Variants in ZNF843 observed in about 807,000 individuals in gnomAD.
ZNF843 encodes zinc finger protein 843.
For synonymous variants in ZNF843, 185 were observed against 207.7 expected (o/e 0.89, Z 0.94); for missense variants, 482 against 469.4 (o/e 1.03, Z -0.25).
Position 31,435,873 on chromosome 16 carries a change from C to T in ZNF843, c.977G>A (p.Trp326Ter). The change falls in exon 2 of 2, where the codon TGG (tryptophan) becomes TAG (stop). Residue 326 changes from tryptophan to a stop codon, truncating the protein, a stop_gained. Transcript: ENST00000315678. LOFTEE classifies it low-confidence loss of function (END_TRUNC). ...RAPPPPSNPH[W>*]RGALPVFPVW... ...CGGAAACACTGGTAGGGCTCCTCTC[C>T]AGTGTGGGTTCGAGGGCGGTGGAGG... is the stretch of plus-strand genomic sequence containing the variant. The T allele has an allele frequency of 6.5e-7, 1 of 1,530,854 alleles. No individual in the cohort carries two copies. The highest frequency in any genetic ancestry group is 1.2e-5 in the South Asian group (1 of 81,002). 94.8% of individuals were successfully genotyped at this position (1,530,854 alleles called of 1,614,324 possible).
At position 31,436,013 on chromosome 16, in the gene ZNF843, C is replaced by T. The variant is rs373623394; in HGVS notation, c.837G>A (p.Ser279=). The change falls in exon 2 of 2, where the codon TCG becomes TCA. Residue 279 remains serine, a synonymous_variant. Coordinates refer to ENST00000315678, the MANE Select transcript of ZNF843 (RefSeq NM_001136509.3). ...AGCCTGGGGCCTGAACCGCCTCCCGCGAGTCCCGTCCCGCGCTCGCACAGC... is the reference window on the plus strand; with the variant it reads ...AGCCTGGGGCCTGAACCGCCTCCCGTGAGTCCCGTCCCGCGCTCGCACAGC... ...PRSCASAGRD[S]REAVQAPGYP... The T allele has an allele frequency of 3.9e-6, 6 of 1,525,208 alleles. No homozygotes were observed. The highest frequency in any genetic ancestry group is 2.5e-5 in the South Asian group (2 of 79,916). The allele number at this position is 1,525,208 out of a possible 1,614,324, so 94.5% of individuals were successfully genotyped here. A position where few individuals can be genotyped will look rare whatever the true frequency, so the allele number is the denominator to read the frequency against.
rs2082184002 is a variant in ZNF843, at chr16:31,436,785, C to T, written c.65G>A (p.Ser22Asn). 1.0e-5 allele frequency: 16 copies of T among 1,551,824 alleles called. No homozygotes were observed. The highest frequency in any genetic ancestry group is 1.4e-5 in the Non-Finnish European group (16 of 1,147,040). Residue 22 changes from serine (S) to asparagine (N), a missense_variant, in exon 2 of 2, where the codon AGC (serine) becomes AAC (asparagine). Transcript: ENST00000315678. ...ACGGCCCTGGGTGAATCTGCCGGTG[C>T]TGCAGCAGGTAGGAGCTCTGGCTGA... ...SVSARAPTCC[S>N]TGRFTQGRQP...
chr16:31,438,533 C>A (rs907378155), intron 1 of ZNF843, among the ~76,000 whole-genome samples: 3 of 151,988 alleles, frequency 2.0e-5, no homozygotes, highest in African/African-American at 7.2e-5. Context: ...ATGCTTCTGG[C>A]CACTCTGAGC....
chr16:31,440,781 C>G (rs2082198703), intron 1 of ZNF843, among the ~76,000 whole-genome samples: 1 of 152,222 alleles, frequency 6.6e-6, no homozygotes, highest in Non-Finnish European at 1.5e-5. Context: ...CTGGTCCAGA[C>G]TCCAGCCCAT....
At chr16:31,440,950 C>T (rs528926738) in intron 1 of ZNF843, among the ~76,000 whole-genome samples, 1 of 152,328 alleles carries the variant, frequency 6.6e-6, no homozygotes, top group African/African-American at 2.4e-5. Flanking sequence ...CAACATTCTT[C>T]CTGTGACTAT....
In ZNF843 at chr16:31,435,555, G is replaced by T; in HGVS notation, c.*248C>A. On this transcript the variant is annotated 3_prime_UTR_variant, in exon 2 of 2. Coordinates refer to ENST00000315678, the MANE Select transcript of ZNF843 (RefSeq NM_001136509.3). ...TCCTCCCACCTCGGTCTCTTAAAGC[G>T]CTGGGATTACAGGTGTGAGTCACCG... 1 of 365,632 alleles carries T rather than the reference G, an allele frequency of 2.7e-6. No individual in the cohort carries two copies. 22.6% of individuals were successfully genotyped at this position (365,632 alleles called of 1,614,324 possible). A position where few individuals can be genotyped will look rare whatever the true frequency, so the allele number is the denominator to read the frequency against.
chr16:31,435,616 A>G lies in ZNF843; in HGVS notation c.*187T>C, dbSNP rs2082175629. The stretch of plus-strand genomic sequence containing the variant: ...CACCTGCCTAAATCCCTTAATGTAT[A>G]AGGGAAAGGAGCGAGAATTCAGGGG... On this transcript the variant is annotated 3_prime_UTR_variant, in exon 2 of 2. Coordinates refer to ENST00000315678, the MANE Select transcript of ZNF843 (RefSeq NM_001136509.3). The G allele has an allele frequency of 3.7e-6, 2 of 543,232 alleles. No homozygotes were observed. The highest frequency in any genetic ancestry group is 8.4e-5 in the South Asian group (2 of 23,788). 33.7% of individuals were successfully genotyped at this position (543,232 alleles called of 1,614,324 possible).
chr16:31,439,434 CT>C (rs967947981), intron 1 of ZNF843, among the ~76,000 whole-genome samples: 2 of 152,194 alleles, frequency 1.3e-5, no homozygotes, highest in Non-Finnish European at 2.9e-5. Flanking sequence ...CACACAAAGA[CT>C]TTTTCACAAA....
intron 1 of ZNF843, among the ~76,000 whole-genome samples, chr16:31,442,127 C>CG (rs2082203169): frequency 6.6e-6 from 1 of 152,186 alleles, no homozygotes; most frequent in African/African-American, 2.4e-5. Context: ...GGTGGACGGC[C>CG]GGCCGCAAAG....
chr16:31,436,681 C>T lies in ZNF843; in HGVS notation c.169G>A (p.Asp57Asn). 1.9e-6 allele frequency: 3 copies of T among 1,551,290 alleles called. No individual in the cohort carries two copies. The highest frequency in any genetic ancestry group is 1.7e-4 in the Middle Eastern group (1 of 5,992). The change falls in exon 2 of 2, where the codon GAC becomes AAC. Residue 57 changes from aspartate (D) to asparagine (N), a missense_variant. Asp to Asn is a conservative substitution (Grantham distance 23). Coordinates refer to ENST00000315678, the MANE Select transcript of ZNF843 (RefSeq NM_001136509.3). ...SLLQHWRVHSDWRETLSLSPV... is the reference protein window; with the variant it reads ...SLLQHWRVHSNWRETLSLSPV... Reference sequence around the variant, plus strand: ...GACAGCGACAAGGTCTCTCGCCAGTCGCTGTGGACCCGCCAGTGCTGGAGG... The same window carrying T: ...GACAGCGACAAGGTCTCTCGCCAGTTGCTGTGGACCCGCCAGTGCTGGAGG...
chr16:31,436,328 C>T lies in ZNF843; in HGVS notation c.522G>A (p.Arg174=). Residue 174 remains arginine (R), a synonymous_variant, in exon 2 of 2, where the codon AGG becomes AGA. Coordinates refer to ENST00000315678, the MANE Select transcript of ZNF843 (RefSeq NM_001136509.3). The part of the protein sequence containing the change: ...VLPHPGEKTC[R]GGSVESVSLA... ...GGCTGACGCTCTCCACGCTCCCACC[C>T]CTGCAGGTCTTCTCCCCTGGGTGCG... 6.5e-7 allele frequency: 1 copy of T among 1,546,806 alleles called. No homozygotes were observed. The highest frequency in any genetic ancestry group is 8.7e-7 in the Non-Finnish European group (1 of 1,143,904).
chr16:31,442,065 A>G (rs1235651086), intron 1 of ZNF843, among the ~76,000 whole-genome samples: 1 of 152,226 alleles, frequency 6.6e-6, no homozygotes, highest in South Asian at 2.1e-4. Context: ...GGTGTGCTGC[A>G]GCCAGCACTG....
Position 31,437,114 on chromosome 16 carries a change from A to T in ZNF843, c.-265T>A, listed in dbSNP as rs976491731. On this transcript the variant is annotated 5_prime_UTR_variant, in exon 2 of 2. Transcript: ENST00000315678. ...CATCACTAAGTCCATCCTCTTGGAT[A>T]CGCTGGTCCTCACTGCCGTGTCCAG... is the stretch of plus-strand genomic sequence containing the variant. 2 of 439,872 alleles carry T rather than the reference A, an allele frequency of 4.5e-6. No individual in the cohort carries two copies. Among genetic ancestry groups the T allele is most frequent in the African/African-American group, 4.0e-5 (2 of 50,502 alleles). The allele number at this position is 439,872 out of a possible 1,614,324, so 27.2% of individuals were successfully genotyped here.
Position 31,436,274 on chromosome 16 carries a change from G to T in ZNF843, c.576C>A (p.Ser192Arg). 1.3e-6 allele frequency: 2 copies of T among 1,548,734 alleles called. No homozygotes were observed. The highest frequency in any genetic ancestry group is 2.4e-5 in the South Asian group (2 of 83,558). Residue 192 changes from serine to arginine, a missense_variant, in exon 2 of 2, where the codon AGC (serine) becomes AGA (arginine). Transcript: ENST00000315678. The stretch of plus-strand genomic sequence containing the variant: ...TCCCACAGGGCCGGAGCCCAGAGGT[G>T]CTGTCCGGGGCGACTGAGCTGGGTG... The part of the protein sequence containing the change: ...SLAPSSVAPD[S>R]TSGLRPCGSP...
At chr16:31,438,597 C>T (rs2082191314) in intron 1 of ZNF843, among the ~76,000 whole-genome samples, 1 of 152,116 alleles carries the variant, frequency 6.6e-6, no homozygotes, top group Admixed American at 6.6e-5. Flanking sequence ...TGTGCTTCAC[C>T]TCTCAGCGGA....
At position 31,436,425 on chromosome 16, in the gene ZNF843, A is replaced by T; in HGVS notation, c.425T>A (p.Val142Glu). ...DRPPANSHRR[V>E]CPFCCCSCGD... The stretch of plus-strand genomic sequence containing the variant: ...GCAGCTGCAGCAGCAGAAGGGACAC[A>T]CTCTCCTGTGTGAATTCGCTGGTGG... Residue 142 changes from valine (V) to glutamate (E), a missense_variant, in exon 2 of 2, where the codon GTG becomes GAG. Val to Glu is a moderately radical substitution (Grantham distance 121, BLOSUM62 -2). Transcript: ENST00000315678. 1 of 1,551,362 alleles carries T rather than the reference A, an allele frequency of 6.4e-7. No individual in the cohort carries two copies.
upstream of ZNF843, chr16:31,443,049 AC>A (rs2082207539): frequency 1.3e-5 from 2 of 152,226 alleles, no homozygotes; most frequent in South Asian, 4.2e-4. Flanking sequence ...GACTCCGCTA[AC>A]AGCTGCCTGA....
In ZNF843 at chr16:31,436,692, C is replaced by T. The variant is rs560749679; in HGVS notation, c.158G>A (p.Arg53Gln). Residue 53 changes from arginine to glutamine, a missense_variant, in exon 2 of 2, where the codon CGG becomes CAG. By Grantham distance (43) the Arg-to-Gln change is conservative. Coordinates refer to ENST00000315678, the MANE Select transcript of ZNF843 (RefSeq NM_001136509.3). ...GGTCTCTCGCCAGTCGCTGTGGACC[C>T]GCCAGTGCTGGAGGAGGGATGCGCT... ...TQSASLLQHW[R>Q]VHSDWRETLS... 2 of 1,551,640 alleles carry T rather than the reference C, an allele frequency of 1.3e-6. No individual in the cohort carries two copies. Among genetic ancestry groups the T allele is most frequent in the Non-Finnish European group, 1.7e-6 (2 of 1,147,016 alleles).
Position 31,436,102 on chromosome 16 carries a change from CT to C in ZNF843, c.747del (p.Val250LeufsTer165). On this transcript the variant is annotated frameshift_variant, in exon 2 of 2. Transcript: ENST00000315678. LOFTEE classifies it low-confidence loss of function (END_TRUNC). Reference sequence around the variant, plus strand: ...TGGGTGGCTGGCGGAACCTGGGCAACTTCCAGGCCTCCCAGAGGCACTGCAG... The same window carrying C: ...TGGGTGGCTGGCGGAACCTGGGCAACTCCAGGCCTCCCAGAGGCACTGCAG... ...AVPAVPLGGL[E>X]VAQVPPATQP... is the part of the protein sequence containing the mutation. 6.4e-7 allele frequency: 1 copy of C among 1,550,462 alleles called. No individual in the cohort carries two copies. Among genetic ancestry groups the C allele is most frequent in the Non-Finnish European group, 8.7e-7 (1 of 1,146,512 alleles).
Sources: allele counts gnomAD v4.1 joint callset (sites outside exome capture counted in the v4.1 genomes callset), GRCh38; gene constraint gnomAD v4.1.1; transcripts MANE v1.5; gene names NCBI Gene and HGNC (gene_info 2026-07-23, HGNC 2026-07-21).